Variants in ADCY8 observed in about 807,000 individuals in gnomAD.
The protein encoded by ADCY8 is adenylate cyclase 8.
In ADCY8, 51 loss-of-function variants were observed where a neutral mutation model predicts 119.7. That is an observed-to-expected ratio of 0.43 (90% CI 0.34 to 0.54). The LOEUF (loss-of-function observed/expected upper bound fraction) is 0.54. ADCY8 is among the 20% of genes least tolerant of loss of function. The probability of loss-of-function intolerance (pLI) is 0.03; values close to 1 mark genes in which losing one functional copy is unlikely to be tolerated. For missense variants in ADCY8, 1,383 were observed against 1,598.8 expected, an observed-to-expected ratio of 0.87 and a Z score of 2.30; for synonymous variants, 665 against 651.0, an observed-to-expected ratio of 1.02 and a Z score of -0.33.
chr8:130,944,878 C>A (rs1821061667), intron 3 of ADCY8, among the ~76,000 whole-genome samples: 1 of 152,126 alleles, frequency 6.6e-6, no homozygotes, highest in African/African-American at 2.4e-5. Context: ...CCTCAAGATG[C>A]TGAGTCTGAG....
chr8:130,903,122 A>G (rs1819656330), intron 7 of ADCY8, among the ~76,000 whole-genome samples: 2 of 152,140 alleles, frequency 1.3e-5, no homozygotes, highest in African/African-American at 2.4e-5. Flanking sequence ...TGTGATTTCA[A>G]TATTTGAATA....
At chr8:130,931,682 G>A (rs960584753) in intron 5 of ADCY8, among the ~76,000 whole-genome samples, 5 of 151,798 alleles carry the variant, frequency 3.3e-5, no homozygotes, top group African/African-American at 1.2e-4. Flanking sequence ...ACCTGTGTTG[G>A]TGTTCACAAT....
At chr8:130,947,001 C>T (rs1821124623) in intron 3 of ADCY8, among the ~76,000 whole-genome samples, 1 of 152,140 alleles carries the variant, frequency 6.6e-6, no homozygotes, top group South Asian at 2.1e-4. Flanking sequence ...CTTGTTCTGC[C>T]ACCTCCAGGT....
intron 1 of ADCY8, chr8:130,990,788 T>C (rs1822553638): frequency 6.1e-6 from 2 of 326,272 alleles, no homozygotes; most frequent in East Asian, 1.1e-4. Context: ...GACTGGAGTC[T>C]TCATGGGAAA....
intron 1 of ADCY8, among the ~76,000 whole-genome samples, chr8:131,025,476 G>A (rs933924429): frequency 2.0e-5 from 3 of 152,082 alleles, no homozygotes; most frequent in Non-Finnish European, 4.4e-5. Flanking sequence ...GATTGTTCAG[G>A]CATTTACTCA....
rs189511086 is a variant in ADCY8, at chr8:130,811,897, A to T, written c.2913+2172T>A. Among the ~76,000 whole-genome samples, 49 of 152,280 alleles carry T rather than the reference A, an allele frequency of 3.2e-4. 2 individuals are homozygous for T. In the East Asian group the frequency reaches 7.0e-3, roughly 22 times the overall value. ...AGTCTCACAGAGTAAGACCAAACCC[A>T]TTCACATAATAATGCCACTTTGGGC... is the stretch of plus-strand genomic sequence containing the variant. On this transcript the variant is annotated intron_variant, in intron 14 of 17. Coordinates refer to ENST00000286355, the MANE Select transcript of ADCY8 (RefSeq NM_001115.3).
intron 11 of ADCY8, among the ~76,000 whole-genome samples, chr8:130,841,191 T>A (rs972640390): frequency 2.0e-5 from 3 of 152,188 alleles, no homozygotes; most frequent in African/African-American, 7.2e-5. Context: ...AAATATTTAT[T>A]GGGCACGTAT....
chr8:130,988,084 G>C (rs1473670454), intron 2 of ADCY8, among the ~76,000 whole-genome samples: 1 of 152,198 alleles, frequency 6.6e-6, no homozygotes, highest in Non-Finnish European at 1.5e-5. Context: ...CTAAGACTCA[G>C]AGCTTGCTCA....
At chr8:130,977,959 C>A (rs1374533609) in intron 2 of ADCY8, among the ~76,000 whole-genome samples, 1 of 152,182 alleles carries the variant, frequency 6.6e-6, no homozygotes, top group Non-Finnish European at 1.5e-5. Context: ...ACTACTCATT[C>A]ATGCATCTGA....
intron 3 of ADCY8, chr8:130,949,469 C>T (rs577299649): frequency 1.3e-5 from 2 of 152,152 alleles, no homozygotes; most frequent in South Asian, 2.1e-4. Context: ...CAAATATTCA[C>T]GCAATTTCTG....
chr8:130,911,517 T>C (rs1819979422), intron 5 of ADCY8, among the ~76,000 whole-genome samples: 1 of 152,084 alleles, frequency 6.6e-6, no homozygotes, highest in Middle Eastern at 3.4e-3. Context: ...TTAAAAATTT[T>C]TTTTAAAAAG....
chr8:130,801,608 A>G (rs1466180729), intron 14 of ADCY8, among the ~76,000 whole-genome samples: 1 of 152,174 alleles, frequency 6.6e-6, no homozygotes, highest in African/African-American at 2.4e-5. Flanking sequence ...ACTTGTGGCT[A>G]TCAACTAGGT....
intron 1 of ADCY8, among the ~76,000 whole-genome samples, chr8:131,029,675 G>A (rs1003823258): frequency 2.6e-5 from 4 of 152,108 alleles, no homozygotes; most frequent in South Asian, 4.1e-4. Context: ...TTTTCTTCAC[G>A]TTATCTAATA....
At chr8:130,846,940 T>C (rs1042052891) in intron 11 of ADCY8, among the ~76,000 whole-genome samples, 13 of 120,728 alleles carry the variant, frequency 1.1e-4, no homozygotes, top group East Asian at 2.7e-4. Context: ...TCCTTCCTTC[T>C]CCTTCCTTCC....
intron 1 of ADCY8, among the ~76,000 whole-genome samples, chr8:131,013,331 A>T (rs543966807): frequency 1.3e-5 from 2 of 152,262 alleles, no homozygotes; most frequent in African/African-American, 4.8e-5. Context: ...TCTGGGCAGA[A>T]GGAGAGCAGG....
At chr8:130,867,293 C>T (rs2130388075) in intron 9 of ADCY8, among the ~76,000 whole-genome samples, 1 of 152,214 alleles carries the variant, frequency 6.6e-6, no homozygotes, top group African/African-American at 2.4e-5. Flanking sequence ...ACATCTTGAA[C>T]TATGGGATCT....
At chr8:130,968,666 C>A (rs1423926091) in intron 2 of ADCY8, among the ~76,000 whole-genome samples, 4 of 152,152 alleles carry the variant, frequency 2.6e-5, no homozygotes, top group South Asian at 2.1e-4. Flanking sequence ...TTAAGTAATG[C>A]TTAGGACATC....
At chr8:130,784,065 T>A (rs9918819) in intron 16 of ADCY8, among the ~76,000 whole-genome samples, 1,794 of 152,232 alleles carry the variant, frequency 0.012, 36 homozygotes, top group African/African-American at 0.042. Context: ...TTCAGGTTGA[T>A]GTAGCATCAA....
At chr8:130,866,197 G>T (rs776544394) in intron 9 of ADCY8, among the ~76,000 whole-genome samples, 1 of 151,906 alleles carries the variant, frequency 6.6e-6, no homozygotes, top group African/African-American at 2.4e-5. Context: ...GGTCAGATTC[G>T]TAAGAATTCT....
Sources: gnomAD v4.1 joint callset for allele counts (sites outside exome capture counted in the v4.1 genomes callset) on GRCh38, gnomAD v4.1.1 for gene constraint, MANE v1.5 for transcripts, NCBI Gene and HGNC (gene_info 2026-07-23, HGNC 2026-07-21) for gene names.